Variants in EVA1A observed in about 807,000 individuals in gnomAD.
EVA1A encodes protein eva-1 homolog A.
A neutral mutation model predicts 9.8 loss-of-function variants in EVA1A; 7 were observed. That is an observed-to-expected ratio of 0.71 (90% CI 0.41 to 1.34). The LOEUF (loss-of-function observed/expected upper bound fraction) is 1.34, where lower values mean the gene tolerates loss of function less well. Ranked by LOEUF, EVA1A falls within the 40% of genes most tolerant of loss-of-function variation. The probability of loss-of-function intolerance (pLI) is 0.01; values close to 1 mark genes in which losing one functional copy is unlikely to be tolerated. For synonymous variants in EVA1A, 90 were observed against 85.6 expected, an observed-to-expected ratio of 1.05 and a Z score of -0.28; for missense variants, 206 against 205.9, an observed-to-expected ratio of 1.00 and a Z score of 0.00.
upstream of EVA1A, among the ~76,000 whole-genome samples, chr2:75,563,703 G>C (rs956624591): frequency 6.6e-6 from 1 of 152,172 alleles, no homozygotes; most frequent in South Asian, 2.1e-4. Flanking sequence ...TGTTGTTCCT[G>C]TCTACCACCT....
chr2:75,532,198 T>A (rs1675687645), intron 1 of EVA1A, among the ~76,000 whole-genome samples: 1 of 137,670 alleles, frequency 7.3e-6, no homozygotes, highest in Non-Finnish European at 1.6e-5. Context: ...AGCTTATCCA[T>A]GTAATTAAAC....
chr2:75,540,922 G>A (rs1676093134), intron 1 of EVA1A: 2 of 152,218 alleles, frequency 1.3e-5, no homozygotes, highest in South Asian at 4.1e-4. Flanking sequence ...AGAAGGGTGA[G>A]AATCCACAGG....
chr2:75,544,861 G>T (rs569863326), intron 1 of EVA1A, among the ~76,000 whole-genome samples: 1 of 152,092 alleles, frequency 6.6e-6, no homozygotes, highest in African/African-American at 2.4e-5. Context: ...AATCTGTAAG[G>T]TATCTTGTTT....
At chr2:75,555,301 A>ATCTCTCTCCCTCTCTCTC (rs1392383779) in intron 1 of EVA1A, among the ~76,000 whole-genome samples, 8 of 57,154 alleles carry the variant, frequency 1.4e-4, no homozygotes, top group African/African-American at 4.3e-4. Flanking sequence ...TCAAAACTCA[A>ATCTCTCTCCCTCTCTCTC]TCTCTCTCTC....
At chr2:75,538,694 C>T (rs893330332) in intron 1 of EVA1A, among the ~76,000 whole-genome samples, 2 of 152,142 alleles carry the variant, frequency 1.3e-5, no homozygotes, top group Admixed American at 1.3e-4. Flanking sequence ...CACAAGGCAA[C>T]CTGGATGAAT....
chr2:75,519,605 G>A (rs57592569), intron 2 of EVA1A, among the ~76,000 whole-genome samples: 2,392 of 152,260 alleles, frequency 0.016, 58 homozygotes, highest in African/African-American at 0.055. Flanking sequence ...GGACCCTTGA[G>A]CCGCTGAGCC....
intron 1 of EVA1A, among the ~76,000 whole-genome samples, chr2:75,549,125 A>T (rs1676442274): frequency 6.6e-6 from 1 of 151,852 alleles, no homozygotes; most frequent in Non-Finnish European, 1.5e-5. Flanking sequence ...ACCCTGCCAC[A>T]ATCCAGAAGG....
intron 1 of EVA1A, among the ~76,000 whole-genome samples, chr2:75,531,696 G>A (rs1322151155): frequency 6.6e-6 from 1 of 152,134 alleles, no homozygotes; most frequent in Admixed American, 6.5e-5. Flanking sequence ...TCACCTTTAA[G>A]TGGGAGCTAA....
chr2:75,515,905 A>C (rs1674990423), intron 3 of EVA1A, among the ~76,000 whole-genome samples: 2 of 152,138 alleles, frequency 1.3e-5, no homozygotes, highest in Admixed American at 1.3e-4. Context: ...ACACACAAGA[A>C]AGTGAGCAGG....
chr2:75,546,472 C>A (rs1431150667), intron 1 of EVA1A, among the ~76,000 whole-genome samples: 1 of 152,036 alleles, frequency 6.6e-6, no homozygotes, highest in African/African-American at 2.4e-5. Flanking sequence ...GGAGTTTGAA[C>A]AGAAATCCAT....
intron 1 of EVA1A, among the ~76,000 whole-genome samples, chr2:75,548,157 G>A (rs1432806551): frequency 1.3e-5 from 2 of 152,178 alleles, no homozygotes; most frequent in Admixed American, 1.3e-4. Context: ...TTTTGAGACA[G>A]GGTCTCATTC....
chr2:75,524,958 G>GTGAT (rs1396346740), intron 1 of EVA1A, among the ~76,000 whole-genome samples: 1 of 152,068 alleles, frequency 6.6e-6, no homozygotes, highest in Non-Finnish European at 1.5e-5. Context: ...TGTATATAGA[G>GTGAT]TGATTACATA....
chr2:75,544,049 T>C (rs977942295), intron 1 of EVA1A, among the ~76,000 whole-genome samples: 2 of 152,230 alleles, frequency 1.3e-5, no homozygotes, highest in South Asian at 4.1e-4. Flanking sequence ...GTGGTTTACA[T>C]GAGCCACAGG....
chr2:75,504,091 C>A (rs1218648437), intron 3 of EVA1A, among the ~76,000 whole-genome samples: 1 of 152,054 alleles, frequency 6.6e-6, no homozygotes. Flanking sequence ...TCAGCAAAAT[C>A]TCTTCTCCAA....
At chr2:75,536,376 A>G (rs1675898301) in intron 1 of EVA1A, among the ~76,000 whole-genome samples, 1 of 152,176 alleles carries the variant, frequency 6.6e-6, no homozygotes. Flanking sequence ...CAAATAAAAC[A>G]AAGCACAAAA....
At position 75,493,506 on chromosome 2, in the gene EVA1A, G is replaced by T. The variant is rs1039737160; in HGVS notation, c.189C>A (p.Cys63Ter). ...GGAACTTCTTCCCGGGACGCCGCCT[G>T]CAGTCTGTGTGGCAAGAGATCCTTA... is the stretch of plus-strand genomic sequence containing the variant. ...LVIRISCHTD[C>*]RRRPGKKFLQ... Residue 63 changes from cysteine to a stop codon, truncating the protein, a stop_gained, in exon 4 of 4, where the codon TGC becomes TGA. Transcript: ENST00000393913. LOFTEE classifies it high-confidence loss of function. The T allele has an allele frequency of 3.1e-6, 5 of 1,614,088 alleles. No homozygotes were observed. The African/African-American group carries it at 6.7e-5, about 22-fold the overall frequency.
In EVA1A at chr2:75,550,859, C is replaced by G. The variant is rs113009137; in HGVS notation, c.-192+9821G>C. Among the ~76,000 whole-genome samples, 865 of 152,326 alleles carry G rather than the reference C, an allele frequency of 5.7e-3. 7 individuals are homozygous for G. The highest frequency in any genetic ancestry group is 0.019 in the African/African-American group (791 of 41,578). On this transcript the variant is annotated intron_variant, in intron 1 of 3. Coordinates refer to ENST00000393913, the MANE Select transcript of EVA1A (RefSeq NM_001135032.2). ...TGCTGGTCGGGCAGGCACGGTGGCTCACGCCTGTAATCCCAGCACTTTGGG... is the reference window on the plus strand; with the variant it reads ...TGCTGGTCGGGCAGGCACGGTGGCTGACGCCTGTAATCCCAGCACTTTGGG...
chr2:75,506,360 T>G (rs1674621039), intron 3 of EVA1A, among the ~76,000 whole-genome samples: 1 of 152,230 alleles, frequency 6.6e-6, no homozygotes, highest in South Asian at 2.1e-4. Flanking sequence ...TGAAAAGTGT[T>G]ACACTAATTT....
intron 1 of EVA1A, among the ~76,000 whole-genome samples, chr2:75,545,883 C>T (rs1226826790): frequency 6.6e-6 from 1 of 151,948 alleles, no homozygotes; most frequent in Non-Finnish European, 1.5e-5. Context: ...AAGAGGTACC[C>T]CCAGAGGTCA....
Sources: allele counts gnomAD v4.1 joint callset (sites outside exome capture counted in the v4.1 genomes callset), GRCh38; gene constraint gnomAD v4.1.1; transcripts MANE v1.5; gene names NCBI Gene and HGNC (gene_info 2026-07-23, HGNC 2026-07-21).